Variants in NXPH2 observed in about 807,000 individuals in gnomAD.
The protein encoded by NXPH2 is neurexophilin-2.
NXPH2 carries 5 observed loss-of-function variants against 19.8 expected under a neutral mutation model. That is an observed-to-expected ratio of 0.25 (90% CI 0.13 to 0.53). The LOEUF (loss-of-function observed/expected upper bound fraction) is 0.53. Ranked by LOEUF, NXPH2 falls within the 20% of genes least tolerant of loss-of-function variation. The pLI, the probability that NXPH2 is intolerant of heterozygous loss-of-function variation, is 0.96. For missense variants in NXPH2, 289 were observed against 322.8 expected, an observed-to-expected ratio of 0.90 and a Z score of 0.80; for synonymous variants, 154 against 127.4, an observed-to-expected ratio of 1.21 and a Z score of -1.41.
intron 1 of NXPH2, among the ~76,000 whole-genome samples, chr2:138,682,891 A>G (rs1680598776): frequency 6.6e-6 from 1 of 152,204 alleles, no homozygotes; most frequent in Non-Finnish European, 1.5e-5. Context: ...GCATGCCTAC[A>G]CACTCTAGAC....
In NXPH2 at chr2:138,673,648, T is replaced by TG. The variant is rs1246150164; in HGVS notation, c.52-1984_52-1983insC. On this transcript the variant is annotated intron_variant, in intron 1 of 1. Transcript: ENST00000272641. ...TATTTAAAAAAATGGGATTAATTTT[T>TG]TTTTTTTTTTGGTAGAGATGGGGTC... Among the ~76,000 whole-genome samples the TG allele has an allele frequency of 1.2e-4, 18 of 152,100 alleles. No homozygotes were observed. The South Asian group carries it at 3.5e-3, about 30-fold the overall frequency.
chr2:138,732,715 T>C (rs1681471307), intron 1 of NXPH2, among the ~76,000 whole-genome samples: 1 of 152,198 alleles, frequency 6.6e-6, no homozygotes, highest in African/African-American at 2.4e-5. Flanking sequence ...ATTCTGATTC[T>C]ATTCTGTGGC....
chr2:138,687,794 G>A (rs1421216082), intron 1 of NXPH2, among the ~76,000 whole-genome samples: 1 of 152,140 alleles, frequency 6.6e-6, no homozygotes, highest in Non-Finnish European at 1.5e-5. Context: ...ATTAAATAGG[G>A]AATCCTTTCC....
chr2:138,740,936 G>T (rs927286450), intron 1 of NXPH2, among the ~76,000 whole-genome samples: 1 of 150,922 alleles, frequency 6.6e-6, no homozygotes, highest in East Asian at 2.0e-4. Context: ...GTAGAGATGT[G>T]TGTGGGGGCT....
chr2:138,730,496 G>C (rs1297966467), intron 1 of NXPH2, among the ~76,000 whole-genome samples: 2 of 152,054 alleles, frequency 1.3e-5, no homozygotes, highest in East Asian at 1.9e-4. Flanking sequence ...AAATAGCCAG[G>C]CATCATATCT....
intron 1 of NXPH2, among the ~76,000 whole-genome samples, chr2:138,744,002 C>CAAAAAAAAA: frequency 1.2e-5 from 1 of 85,760 alleles, no homozygotes; most frequent in Non-Finnish European, 2.1e-5. Context: ...GACTCCATCT[C>CAAAAAAAAA]AAAAAAAAAA....
intron 1 of NXPH2, among the ~76,000 whole-genome samples, chr2:138,776,012 GA>G (rs1380079162): frequency 6.6e-6 from 1 of 152,030 alleles, no homozygotes; most frequent in African/African-American, 2.4e-5. Context: ...AGAGTCCACA[GA>G]ATATGTAAAC....
intron 1 of NXPH2, among the ~76,000 whole-genome samples, chr2:138,720,392 GAACA>G (rs888995217): frequency 1.2e-4 from 19 of 152,326 alleles, no homozygotes; most frequent in Middle Eastern, 3.4e-3. Flanking sequence ...ATTATAAACT[GAACA>G]AACAAACTTC....
chr2:138,701,520 G>C lies in NXPH2; in HGVS notation c.52-29855C>G, dbSNP rs191126166. 3.9e-5 allele frequency among the ~76,000 whole-genome samples: 6 copies of C among 152,306 alleles called. No homozygotes were observed. The East Asian group carries it at 9.6e-4, about 24-fold the overall frequency. ...GGTACTGTAGAAGGAAGGATAAAAA[G>C]AAGGGCTGTTCACTGAAGGTTTATT... On this transcript the variant is annotated intron_variant, in intron 1 of 1. Coordinates refer to ENST00000272641, the MANE Select transcript of NXPH2 (RefSeq NM_007226.3).
chr2:138,714,616 A>G (rs999065890), intron 1 of NXPH2, among the ~76,000 whole-genome samples: 3 of 152,062 alleles, frequency 2.0e-5, no homozygotes, highest in Non-Finnish European at 1.5e-5. Flanking sequence ...ACACACTTCT[A>G]TTACTGGTCT....
chr2:138,699,187 C>T (rs1436004190), intron 1 of NXPH2, among the ~76,000 whole-genome samples: 1 of 152,034 alleles, frequency 6.6e-6, no homozygotes, highest in Admixed American at 6.5e-5. Flanking sequence ...ACTACATATG[C>T]AGAGAAAATT....
intron 1 of NXPH2, among the ~76,000 whole-genome samples, chr2:138,691,729 G>A (rs1375886168): frequency 2.6e-5 from 4 of 151,970 alleles, no homozygotes; most frequent in Admixed American, 2.6e-4. Flanking sequence ...GATGGAAAGG[G>A]GCCCAGATGA....
intron 1 of NXPH2, among the ~76,000 whole-genome samples, chr2:138,765,270 A>G (rs1011433735): frequency 6.6e-5 from 10 of 152,226 alleles, no homozygotes; most frequent in Non-Finnish European, 1.5e-4. Flanking sequence ...TTCATTCTCC[A>G]TATATATAAA....
intron 1 of NXPH2, among the ~76,000 whole-genome samples, chr2:138,677,624 A>G (rs1466658269): frequency 4.6e-5 from 7 of 152,200 alleles, no homozygotes; most frequent in African/African-American, 1.7e-4. Flanking sequence ...AACAAGCTAA[A>G]GTTGAATTTT....
In NXPH2 at chr2:138,671,198, G is replaced by C. The variant is rs751134068; in HGVS notation, c.519C>G (p.Pro173=). The C allele has an allele frequency of 3.7e-6, 6 of 1,613,762 alleles. No individual in the cohort carries two copies. The highest frequency in any genetic ancestry group is 2.2e-5 in the East Asian group (1 of 44,872). The change falls in exon 2 of 2, where the codon CCC becomes CCG. Residue 173 remains proline (P), a synonymous_variant. Coordinates refer to ENST00000272641, the MANE Select transcript of NXPH2 (RefSeq NM_007226.3). ...PSKVVEFEVS[P]QSTLETKESK... is the part of the protein sequence containing the mutation. ...ATTCCTTGGTCTCCAAGGTAGACTGGGGGGAAACTTCAAATTCCACCACCT... is the reference window on the plus strand; with the variant it reads ...ATTCCTTGGTCTCCAAGGTAGACTGCGGGGAAACTTCAAATTCCACCACCT...
chr2:138,780,370 T>A lies in NXPH2; in HGVS notation c.-129A>T. On this transcript the variant is annotated 5_prime_UTR_variant, in exon 1 of 2. Coordinates refer to ENST00000272641, the MANE Select transcript of NXPH2 (RefSeq NM_007226.3). ...CGCTTCCCTCCCGGAATCCGAGCGC[T>A]GCGCCGTGCCGCGCAGCTCTGGCCG... is the stretch of plus-strand genomic sequence containing the variant. 3.5e-6 allele frequency: 1 copy of A among 287,910 alleles called. No homozygotes were observed. The highest frequency in any genetic ancestry group is 5.5e-6 in the Non-Finnish European group (1 of 183,446). The allele number at this position is 287,910 out of a possible 1,614,324, so 17.8% of individuals were successfully genotyped here. A position where few individuals can be genotyped will look rare whatever the true frequency, so the allele number is the denominator to read the frequency against.
Position 138,698,916 on chromosome 2 carries a change from G to A in NXPH2, c.52-27251C>T, listed in dbSNP as rs182927473. On this transcript the variant is annotated intron_variant, in intron 1 of 1. Coordinates refer to ENST00000272641, the MANE Select transcript of NXPH2 (RefSeq NM_007226.3). The stretch of plus-strand genomic sequence containing the variant: ...TTCTAGTTTCTGGTGAAATTGAAAA[G>A]GGTAATGAATTTTGGGACTCAAAGT... Among the ~76,000 whole-genome samples the A allele has an allele frequency of 3.3e-3, 496 of 152,206 alleles. 12 individuals are homozygous for A. Among genetic ancestry groups the A allele is most frequent in the Admixed American group, 0.029 (439 of 15,270 alleles).
chr2:138,774,817 A>T (rs1682235135), intron 1 of NXPH2, among the ~76,000 whole-genome samples: 1 of 152,250 alleles, frequency 6.6e-6, no homozygotes, highest in Non-Finnish European at 1.5e-5. Flanking sequence ...CTGATTCAGA[A>T]ATAGACTCCA....
intron 1 of NXPH2, among the ~76,000 whole-genome samples, chr2:138,776,049 C>A (rs986905775): frequency 2.0e-5 from 3 of 152,060 alleles, no homozygotes; most frequent in African/African-American, 7.2e-5. Flanking sequence ...AGAGCTTTTA[C>A]AAAATCACAA....
Sources: gnomAD v4.1 joint callset for allele counts (sites outside exome capture counted in the v4.1 genomes callset) on GRCh38, gnomAD v4.1.1 for gene constraint, MANE v1.5 for transcripts, NCBI Gene and HGNC (gene_info 2026-07-23, HGNC 2026-07-21) for gene names.